The following TMTC1 variants were observed in gnomAD, a reference collection of about 807,000 sequenced individuals.
TMTC1 encodes the protein transmembrane O-mannosyltransferase targeting cadherins 1, also known as protein O-mannosyl-transferase TMTC1.
A neutral mutation model predicts 104.8 loss-of-function variants in TMTC1; 73 were observed. That is an observed-to-expected ratio of 0.70 (90% CI 0.58 to 0.85). The LOEUF (loss-of-function observed/expected upper bound fraction) is 0.85. Ranked by LOEUF, TMTC1 falls within the 40% of genes least tolerant of loss-of-function variation. The pLI, the probability that TMTC1 is intolerant of heterozygous loss-of-function variation, is 0.00. For missense variants in TMTC1, 1,035 were observed against 1,096.1 expected, an observed-to-expected ratio of 0.94 and a Z score of 0.79; for synonymous variants, 434 against 428.7, an observed-to-expected ratio of 1.01 and a Z score of -0.15.
intron 11 of TMTC1, among the ~76,000 whole-genome samples, chr12:29,529,001 T>C (rs994920231): frequency 2.6e-5 from 4 of 152,200 alleles, no homozygotes; most frequent in Admixed American, 6.5e-5. Context: ...TTCTCATACC[T>C]GCTTCTGTCG....
chr12:29,665,131 C>T lies in TMTC1; in HGVS notation c.939-31795G>A, dbSNP rs191422041. ...GACACCAAAACTGACGAAGGAAAAA[C>T]GAAGAAACTACCCAATTTCAAAAAA... On this transcript the variant is annotated intron_variant, in intron 5 of 17. Transcript: ENST00000539277. Among the ~76,000 whole-genome samples, 7 of 152,000 alleles carry T rather than the reference C, an allele frequency of 4.6e-5. 1 individual carries two copies. Among genetic ancestry groups the T allele is most frequent in the South Asian group, 2.1e-4 (1 of 4,812 alleles).
chr12:29,637,085 AACACACACACAC>A (rs200543052), intron 5 of TMTC1, among the ~76,000 whole-genome samples: 4 of 47,696 alleles, frequency 8.4e-5, no homozygotes, highest in Non-Finnish European at 1.2e-4. Context: ...CAAAATGAGA[AACACACACACAC>A]ACACACACAC....
chr12:29,783,981 C>G (rs186216), upstream of TMTC1: 50,681 of 200,132 alleles, frequency 0.25, 8,023 homozygotes, highest in Non-Finnish European at 0.34. This position sits in a 1 kb window ranked among gnomAD's most constrained non-coding sequence, Gnocchi z 4.7. Flanking sequence ...GCCACCTCCT[C>G]CGCCCCACTG....
chr12:29,645,896 T>C (rs1273602270), intron 5 of TMTC1, among the ~76,000 whole-genome samples: 2 of 152,208 alleles, frequency 1.3e-5, no homozygotes, highest in African/African-American at 4.8e-5. Context: ...TACGGATTAT[T>C]TGACAGCAAA....
intron 9 of TMTC1, among the ~76,000 whole-genome samples, chr12:29,571,680 T>C (rs904052788): frequency 2.6e-5 from 4 of 152,106 alleles, no homozygotes; most frequent in African/African-American, 7.2e-5. Flanking sequence ...TTTCAGGGCA[T>C]TTAATTTCTA....
At position 29,723,815 on chromosome 12, in the gene TMTC1, A is replaced by G. The variant is rs963934116; in HGVS notation, c.938+27851T>C. 3.3e-5 allele frequency among the ~76,000 whole-genome samples: 5 copies of G among 152,218 alleles called. No individual in the cohort carries two copies. In the East Asian group the frequency reaches 5.8e-4, roughly 18 times the overall value. On this transcript the variant is annotated intron_variant, in intron 5 of 17. Coordinates refer to ENST00000539277, the MANE Select transcript of TMTC1 (RefSeq NM_001193451.2). ...GTTTTGGCCCTGTAGATCAGTAGTA[A>G]AGAACTGGAGCTTCAGTGAATCATA...
intron 6 of TMTC1, among the ~76,000 whole-genome samples, chr12:29,616,797 C>A (rs1946993084): frequency 1.3e-5 from 2 of 151,894 alleles, no homozygotes; most frequent in African/African-American, 2.4e-5. Flanking sequence ...CATCTATCTG[C>A]ATAGTGGTGG....
intron 5 of TMTC1, among the ~76,000 whole-genome samples, chr12:29,644,090 A>AATTTATATATAAATATAAAT (rs1565734953): frequency 1.9e-5 from 1 of 53,818 alleles, no homozygotes; most frequent in African/African-American, 8.8e-5. Flanking sequence ...TATAAATATA[A>AATTTATATATAAATATAAAT]ATATAAATAT....
At chr12:29,780,022 G>A (rs1029650834) in intron 1 of TMTC1, among the ~76,000 whole-genome samples, 1 of 152,154 alleles carries the variant, frequency 6.6e-6, no homozygotes, top group African/African-American at 2.4e-5. Flanking sequence ...CAAAGTGCTG[G>A]CAGAAATGCA....
chr12:29,774,708 T>C (rs1943669751), intron 1 of TMTC1, among the ~76,000 whole-genome samples: 1 of 152,256 alleles, frequency 6.6e-6, no homozygotes, highest in South Asian at 2.1e-4. Context: ...CTGGTTCTTC[T>C]CATTTCTCCT....
chr12:29,659,188 CCAT>C (rs1939897702), intron 5 of TMTC1, among the ~76,000 whole-genome samples: 1 of 152,234 alleles, frequency 6.6e-6, no homozygotes, highest in Non-Finnish European at 1.5e-5. Context: ...GTAACATTCA[CCAT>C]ATGTATCAAT....
chr12:29,692,005 T>C (rs1424158833), intron 5 of TMTC1, among the ~76,000 whole-genome samples: 1 of 144,990 alleles, frequency 6.9e-6, no homozygotes, highest in Non-Finnish European at 1.5e-5. Context: ...TAATTAATAA[T>C]AAAAGCACTC....
chr12:29,754,646 G>T (rs1174600623), intron 4 of TMTC1, among the ~76,000 whole-genome samples: 4 of 152,224 alleles, frequency 2.6e-5, no homozygotes. Flanking sequence ...ATAGGCCAAA[G>T]GGAGGGCCTC....
In TMTC1 at chr12:29,691,211, T is replaced by C. The variant is rs372919509; in HGVS notation, c.939-57875A>G. Among the ~76,000 whole-genome samples the C allele has an allele frequency of 2.2e-4, 34 of 152,248 alleles. No individual in the cohort carries two copies. In the East Asian group the frequency reaches 5.6e-3, roughly 25 times the overall value. On this transcript the variant is annotated intron_variant, in intron 5 of 17. Coordinates refer to ENST00000539277, the MANE Select transcript of TMTC1 (RefSeq NM_001193451.2). ...TCACTATTGTAAAACCTAAGCTCAG[T>C]GCTTGAGATATTTTGCACTTGATGC... is the stretch of plus-strand genomic sequence containing the variant.
intron 5 of TMTC1, among the ~76,000 whole-genome samples, chr12:29,671,561 C>T (rs11613376): frequency 0.27 from 39,729 of 148,010 alleles, 5,779 homozygotes; most frequent in African/African-American, 0.37. Flanking sequence ...TCTTTAAGTG[C>T]ATACAACAAC....
intron 2 of TMTC1, among the ~76,000 whole-genome samples, chr12:29,767,336 C>T (rs1158582130): frequency 6.6e-6 from 1 of 152,194 alleles, no homozygotes; most frequent in African/African-American, 2.4e-5. Context: ...TGTAAGGCTC[C>T]TAAGTCTGTC....
rs186870362 is a variant in TMTC1 at position 29,514,301 on chromosome 12, G to A, written c.2430+181C>T. 2.2e-4 allele frequency among the ~76,000 whole-genome samples: 34 copies of A among 152,232 alleles called. No homozygotes were observed. The South Asian group carries it at 2.5e-3, about 11-fold the overall frequency. ...ATGCGCAACTCTGATTCAGTCAAGGGCCAGATGCTCAATGATAAAAAATAA... is the reference window on the plus strand; with the variant it reads ...ATGCGCAACTCTGATTCAGTCAAGGACCAGATGCTCAATGATAAAAAATAA... On this transcript the variant is annotated intron_variant, in intron 16 of 17. Coordinates refer to ENST00000539277, the MANE Select transcript of TMTC1 (RefSeq NM_001193451.2).
chr12:29,551,663 T>C (rs183984564), intron 10 of TMTC1, among the ~76,000 whole-genome samples: 192 of 152,318 alleles, frequency 1.3e-3, no homozygotes, highest in South Asian at 3.7e-3. Flanking sequence ...TAACAGAGCA[T>C]TCACAGAAAT....
Position 29,516,334 on chromosome 12 carries a change from A to G in TMTC1, c.2307+15T>C, listed in dbSNP as rs1403854680. Reference sequence around the variant, plus strand: ...CCTATGAATCCAAAGAACTCTAAACAATGTCCTTCTTTACCTTGTCGTGGT... The same window carrying G: ...CCTATGAATCCAAAGAACTCTAAACGATGTCCTTCTTTACCTTGTCGTGGT... On this transcript the variant is annotated intron_variant, in intron 15 of 17. Coordinates refer to ENST00000539277, the MANE Select transcript of TMTC1 (RefSeq NM_001193451.2). 4 of 1,610,372 alleles carry G rather than the reference A, an allele frequency of 2.5e-6. No homozygotes were observed. In the Admixed American group the frequency reaches 6.7e-5, roughly 27 times the overall value.
Sources: gnomAD v4.1 joint callset for allele counts (sites outside exome capture counted in the v4.1 genomes callset) on GRCh38, gnomAD v4.1.1 for gene constraint, Gnocchi (gnomAD v3.1) non-coding constraint, MANE v1.5 for transcripts, NCBI Gene and HGNC (gene_info 2026-07-23, HGNC 2026-07-21) for gene names.